ARB2A: variants seen among roughly 807,000 people sequenced by gnomAD.
ARB2A encodes cotranscriptional regulator ARB2A.
chr5:93,949,277 C>T, the ARB2A span, among the ~76,000 whole-genome samples: 387 of 151,900 alleles, frequency 2.5e-3, 1 homozygote, highest in Non-Finnish European at 4.3e-3. Context: ...GGCCCACACC[C>T]GATGTAATTA....
At chr5:94,054,264 AGT>A in the ARB2A span, among the ~76,000 whole-genome samples, 2 of 152,070 alleles carry the variant, frequency 1.3e-5, no homozygotes, top group African/African-American at 2.4e-5. Context: ...TTGTTCCATT[AGT>A]GTTCATTTTC....
chr5:93,718,346 G>A, the ARB2A span, among the ~76,000 whole-genome samples: 1 of 152,048 alleles, frequency 6.6e-6, no homozygotes, highest in Admixed American at 6.5e-5. Flanking sequence ...GGCTGAGGCA[G>A]GAGAATGGCG....
chr5:93,838,740 C>T, the ARB2A span, among the ~76,000 whole-genome samples: 1 of 152,154 alleles, frequency 6.6e-6, no homozygotes, highest in African/African-American at 2.4e-5. Context: ...TTGTAATTCT[C>T]ATTGGGGAGA....
At chr5:93,699,747 C>T in the ARB2A span, among the ~76,000 whole-genome samples, 2 of 151,866 alleles carry the variant, frequency 1.3e-5, no homozygotes, top group African/African-American at 2.4e-5. Flanking sequence ...TGTTCTGTAC[C>T]AAGTTTCAAG....
chr5:93,942,531 GA>G, the ARB2A span, among the ~76,000 whole-genome samples: 2 of 148,544 alleles, frequency 1.3e-5, no homozygotes, highest in Non-Finnish European at 3.0e-5. Flanking sequence ...CTCTTTAAGG[GA>G]AAAAAAAACC....
chr5:94,022,419 A>G, the ARB2A span, among the ~76,000 whole-genome samples: 59 of 152,290 alleles, frequency 3.9e-4, 1 homozygote, highest in African/African-American at 1.4e-3. Context: ...CAATGATGAG[A>G]CAGATTCCCT....
the ARB2A span, chr5:93,682,920 AT>A: frequency 6.4e-7 from 1 of 1,569,160 alleles, no homozygotes; most frequent in African/African-American, 1.3e-5. Flanking sequence ...TAATTGATGA[AT>A]TTGGCTTCCA....
At chr5:94,075,835 A>C in the ARB2A span, among the ~76,000 whole-genome samples, 1 of 152,182 alleles carries the variant, frequency 6.6e-6, no homozygotes, top group Admixed American at 6.5e-5. Context: ...GGCCATAATC[A>C]ATGCTGCCCT....
the ARB2A span, among the ~76,000 whole-genome samples, chr5:94,025,996 G>A: frequency 2.0e-5 from 3 of 152,174 alleles, no homozygotes; most frequent in African/African-American, 4.8e-5. Flanking sequence ...GCAAAGAAGC[G>A]GGCTCCATGT....
the ARB2A span, among the ~76,000 whole-genome samples, chr5:93,678,887 G>A: frequency 5.9e-5 from 9 of 152,182 alleles, no homozygotes; most frequent in Admixed American, 1.3e-4. Context: ...ATGGTCCCAT[G>A]TGAACTGAGG....
At chr5:93,776,250 T>C in the ARB2A span, 2 of 1,599,398 alleles carry the variant, frequency 1.3e-6, no homozygotes, top group Admixed American at 1.7e-5. Context: ...AGTTCTGCAA[T>C]GTAATAGAGA....
the ARB2A span, among the ~76,000 whole-genome samples, chr5:93,676,386 T>C: frequency 1.3e-5 from 2 of 152,206 alleles, no homozygotes; most frequent in East Asian, 3.9e-4. Flanking sequence ...CAAACATATA[T>C]TAGGGATTTT....
the ARB2A span, among the ~76,000 whole-genome samples, chr5:93,646,446 A>C: frequency 6.6e-6 from 1 of 152,088 alleles, no homozygotes; most frequent in Non-Finnish European, 1.5e-5. Flanking sequence ...TACATATGGT[A>C]GCAAACACAC....
the ARB2A span, among the ~76,000 whole-genome samples, chr5:93,690,888 C>A: frequency 6.6e-6 from 1 of 152,112 alleles, no homozygotes; most frequent in Admixed American, 6.5e-5. Flanking sequence ...GCTGGTGATA[C>A]CCAGGCAAAC....
the ARB2A span, among the ~76,000 whole-genome samples, chr5:93,780,535 C>A: frequency 8.0e-6 from 1 of 124,844 alleles, no homozygotes; most frequent in African/African-American, 3.6e-5. Flanking sequence ...TTTCTCCCAT[C>A]TCCTCCCCTC....
the ARB2A span, among the ~76,000 whole-genome samples, chr5:94,003,139 C>G: frequency 6.6e-6 from 1 of 152,136 alleles, no homozygotes; most frequent in Admixed American, 6.6e-5. Context: ...ATATAAACAA[C>G]TTCAAAAGCA....
chr5:93,984,397 A>G, the ARB2A span, among the ~76,000 whole-genome samples: 1 of 152,188 alleles, frequency 6.6e-6, no homozygotes, highest in Non-Finnish European at 1.5e-5. Context: ...GGTAATAACA[A>G]TTTGCTTTCA....
At chr5:93,662,581 C>A in the ARB2A span, among the ~76,000 whole-genome samples, 1 of 152,190 alleles carries the variant, frequency 6.6e-6, no homozygotes, top group African/African-American at 2.4e-5. Context: ...CACACCTACA[C>A]ACCTGTCTTT....
At chr5:93,936,938 AG>A in the ARB2A span, among the ~76,000 whole-genome samples, 3 of 150,426 alleles carry the variant, frequency 2.0e-5, no homozygotes, top group South Asian at 6.3e-4. Flanking sequence ...TAAATTATAA[AG>A]GTTTTTTTTT....
Sources: allele counts gnomAD v4.1 joint callset (sites outside exome capture counted in the v4.1 genomes callset), GRCh38; gene constraint gnomAD v4.1.1; transcripts MANE v1.5; gene names NCBI Gene and HGNC (gene_info 2026-07-23, HGNC 2026-07-21).